UGT1A8: variants seen among roughly 807,000 people sequenced by gnomAD.
UGT1A8 encodes the protein UDP glucuronosyltransferase family 1 member A8.
UGT1A8 carries 39 observed loss-of-function variants against 45.3 expected under a neutral mutation model. That is an observed-to-expected ratio of 0.86 (90% confidence interval 0.67 to 1.12). The LOEUF (loss-of-function observed/expected upper bound fraction) is 1.12. UGT1A8 is among the 50% of genes most tolerant of loss of function. The pLI is 0.00. For missense variants in UGT1A8, 719 were observed against 664.9 expected, an observed-to-expected ratio of 1.08 and a Z score of -0.90; for synonymous variants, 275 against 249.2, an observed-to-expected ratio of 1.10 and a Z score of -0.97.
intron 1 of UGT1A8, chr2:233,692,960 G>A: frequency 1.2e-6 from 2 of 1,608,304 alleles, no homozygotes; most frequent in Non-Finnish European, 1.7e-6. Flanking sequence ...GTGATTTGGA[G>A]AGTGAAAACT....
At chr2:233,676,983 T>A (rs2074378188) in intron 1 of UGT1A8, among the ~76,000 whole-genome samples, 1 of 152,150 alleles carries the variant, frequency 6.6e-6, no homozygotes, top group Non-Finnish European at 1.5e-5. Flanking sequence ...ATAAATGAGG[T>A]AGTGTTACCT....
At chr2:233,627,985 G>A (rs2073121340) in intron 1 of UGT1A8, among the ~76,000 whole-genome samples, 1 of 152,010 alleles carries the variant, frequency 6.6e-6, no homozygotes, top group Non-Finnish European at 1.5e-5. Flanking sequence ...CAAACAGAGA[G>A]TATAAATGTT....
intron 1 of UGT1A8, among the ~76,000 whole-genome samples, chr2:233,757,621 A>T (rs1696682030): frequency 6.7e-6 from 1 of 149,382 alleles, no homozygotes; most frequent in Non-Finnish European, 1.5e-5. Flanking sequence ...GCTAAAAGAT[A>T]CAAGGCAGAA....
chr2:233,728,813 A>G (rs1159466657), intron 1 of UGT1A8, among the ~76,000 whole-genome samples: 11 of 152,216 alleles, frequency 7.2e-5, no homozygotes. Flanking sequence ...AGACAGTGAC[A>G]TGAAATGGGT....
intron 1 of UGT1A8, 136 bp downstream of exon 1, chr2:233,618,698 G>A (rs981637770): frequency 1.5e-5 from 22 of 1,481,980 alleles, no homozygotes; most frequent in Non-Finnish European, 1.7e-5. Context: ...ATTATTTTGT[G>A]CCAATTTATG....
rs1249227903 is a variant in UGT1A8 at position 233,691,705 on chromosome 2, C to T, written c.855+73143C>T. 5.3e-6 allele frequency: 5 copies of T among 943,294 alleles called. No individual in the cohort carries two copies. The African/African-American group carries it at 5.3e-5, about 10-fold the overall frequency. The allele number at this position is 943,294 out of a possible 1,614,324, so 58.4% of individuals were successfully genotyped here. A position where few individuals can be genotyped will look rare whatever the true frequency, so the allele number is the denominator to read the frequency against. On this transcript the variant is annotated intron_variant, in intron 1 of 4. Coordinates refer to ENST00000373450, the MANE Select transcript of UGT1A8 (RefSeq NM_019076.5). ...CCTGAAGCTCAGGAGAGGAGTCACT[C>T]CCCTGGCAGATGGGTGGCTGGGCCA...
intron 1 of UGT1A8, among the ~76,000 whole-genome samples, chr2:233,709,487 T>G (rs1422888442): frequency 6.6e-6 from 1 of 152,212 alleles, no homozygotes; most frequent in Non-Finnish European, 1.5e-5. Flanking sequence ...TATTTAGTAT[T>G]TGAAGTCTCT....
At chr2:233,697,618 G>T (rs1039414753) in intron 1 of UGT1A8, among the ~76,000 whole-genome samples, 1 of 150,320 alleles carries the variant, frequency 6.7e-6, no homozygotes, top group Admixed American at 6.6e-5. Context: ...CAAAGTTTGA[G>T]TTTGGTTTAC....
In UGT1A8 at chr2:233,702,744, C is replaced by A. The variant is rs28899179; in HGVS notation, c.856-64290C>A. The stretch of plus-strand genomic sequence containing the variant: ...TGAACATGGTTTTCTTTTTGGTCCC[C>A]TATTCTAGTGATATGTGTTAATTGA... On this transcript the variant is annotated intron_variant, in intron 1 of 4. Coordinates refer to ENST00000373450, the MANE Select transcript of UGT1A8 (RefSeq NM_019076.5). Among the ~76,000 whole-genome samples, 1,245 of 152,216 alleles carry A rather than the reference C, an allele frequency of 8.2e-3. 20 individuals are homozygous for A. Among genetic ancestry groups the A allele is most frequent in the African/African-American group, 0.028 (1,155 of 41,538 alleles).
intron 1 of UGT1A8, among the ~76,000 whole-genome samples, chr2:233,696,279 C>T (rs537707708): frequency 2.6e-5 from 4 of 152,226 alleles, no homozygotes; most frequent in Admixed American, 6.5e-5. Context: ...ATAAAGAAAA[C>T]GTAGGACTGT....
intron 1 of UGT1A8, chr2:233,713,072 G>C (rs2076275928): frequency 6.2e-7 from 1 of 1,614,210 alleles, no homozygotes; most frequent in Non-Finnish European, 8.5e-7. Flanking sequence ...CCTGGGCTGA[G>C]AGTGGGAAGG....
At chr2:233,687,364 C>T (rs2074836393) in intron 1 of UGT1A8, among the ~76,000 whole-genome samples, 1 of 152,128 alleles carries the variant, frequency 6.6e-6, no homozygotes, top group South Asian at 2.1e-4. Context: ...TGGACTGTCT[C>T]CTTAGGGAGA....
chr2:233,729,144 G>C, intron 1 of UGT1A8: 1 of 1,613,472 alleles, frequency 6.2e-7, no homozygotes, highest in Non-Finnish European at 8.5e-7. Flanking sequence ...CAGGACTCCA[G>C]GTTCCCCTGC....
chr2:233,648,142 C>A, intron 1 of UGT1A8: 2 of 1,279,140 alleles, frequency 1.6e-6, no homozygotes. Flanking sequence ...AGCAGAAGTA[C>A]GACGCTTATT....
chr2:233,760,187 A>G, intron 1 of UGT1A8: 1 of 1,561,346 alleles, frequency 6.4e-7, no homozygotes, highest in East Asian at 2.3e-5. Flanking sequence ...TTTTATAGTC[A>G]CGTGACACAG....
At chr2:233,760,487 A>G (rs2125984867) in intron 1 of UGT1A8, 1 of 1,614,244 alleles carries the variant, frequency 6.2e-7, no homozygotes, top group Non-Finnish European at 8.5e-7. Context: ...GCCTCGTTGT[A>G]CATCAGAGAC....
At chr2:233,692,803 T>C (rs776646803) in intron 1 of UGT1A8, 33 of 1,389,660 alleles carry the variant, frequency 2.4e-5, no homozygotes, top group Non-Finnish European at 2.5e-5. Flanking sequence ...GACACGGCCA[T>C]AGTTGGTTCA....
At chr2:233,665,971 A>G (rs929218991) in intron 1 of UGT1A8, among the ~76,000 whole-genome samples, 1 of 152,184 alleles carries the variant, frequency 6.6e-6, no homozygotes, top group Non-Finnish European at 1.5e-5. Flanking sequence ...GCATTGCGAT[A>G]AAGGAATACC....
chr2:233,755,611 T>C (rs1176906643), intron 1 of UGT1A8: 1 of 158,924 alleles, frequency 6.3e-6, no homozygotes, highest in African/African-American at 2.4e-5. Flanking sequence ...AGAACTGTTT[T>C]TCTTAAAGTA....
Sources: gnomAD v4.1 joint callset for allele counts (sites outside exome capture counted in the v4.1 genomes callset) on GRCh38, gnomAD v4.1.1 for gene constraint, MANE v1.5 for transcripts, NCBI Gene and HGNC (gene_info 2026-07-23, HGNC 2026-07-21) for gene names.